PRMT8: variants seen among roughly 807,000 people sequenced by gnomAD.
PRMT8 encodes protein arginine methyltransferase 8.
A neutral mutation model predicts 47.1 loss-of-function variants in PRMT8; 7 were observed. The ratio of observed to expected loss-of-function variants is 0.15; its 90% CI spans 0.08 to 0.28. The LOEUF (loss-of-function observed/expected upper bound fraction) is 0.28, where lower values mean the gene tolerates loss of function less well. Ranked by LOEUF, PRMT8 falls within the 10% of genes least tolerant of loss-of-function variation. The probability of loss-of-function intolerance (pLI) is 1.00; values close to 1 mark genes in which losing one functional copy is unlikely to be tolerated. For synonymous variants in PRMT8, 188 were observed against 186.5 expected, an observed-to-expected ratio of 1.01 and a Z score of -0.07; for missense variants, 237 against 505.4, an observed-to-expected ratio of 0.47 and a Z score of 5.09.
chr12:3,445,709 A>G (rs1286107118), intron 1 of PRMT8, among the ~76,000 whole-genome samples: 1 of 152,216 alleles, frequency 6.6e-6, no homozygotes, highest in African/African-American at 2.4e-5. Flanking sequence ...TGTTCTGACT[A>G]AATATTTCCG....
chr12:3,393,054 G>A (rs1190951119), intron 1 of PRMT8, among the ~76,000 whole-genome samples: 2 of 152,008 alleles, frequency 1.3e-5, no homozygotes, highest in Non-Finnish European at 2.9e-5. Flanking sequence ...CTTTTTGATG[G>A]GGTTGTTTGT....
intron 1 of PRMT8, among the ~76,000 whole-genome samples, chr12:3,525,261 G>A (rs1565431028): frequency 6.6e-6 from 1 of 152,062 alleles, no homozygotes; most frequent in Non-Finnish European, 1.5e-5. Context: ...GGAAACAGCT[G>A]GTGCATAGTC....
intron 7 of PRMT8, 150 bp from the exon 8 acceptor site, chr12:3,582,908 C>T (rs1168773255): frequency 2.3e-5 from 20 of 860,212 alleles, no homozygotes; most frequent in South Asian, 5.7e-5. Context: ...ATTGGGAGGG[C>T]GGTGGGGAGC....
chr12:3,553,896 C>A (rs1866474720), intron 4 of PRMT8, among the ~76,000 whole-genome samples, 182 bp downstream of exon 4: 1 of 152,206 alleles, frequency 6.6e-6, no homozygotes, highest in Non-Finnish European at 1.5e-5. Context: ...CGACACCAGG[C>A]CAGCTGAGGA....
Position 3,553,635 on chromosome 12 carries a change from C to T in PRMT8, c.418-16C>T. The T allele has an allele frequency of 1.3e-6, 2 of 1,592,546 alleles. No homozygotes were observed. Among genetic ancestry groups the T allele is most frequent in the South Asian group, 1.1e-5 (1 of 90,604 alleles). On this transcript the variant is annotated splice_polypyrimidine_tract_variant and intron_variant, in intron 3 of 9. Transcript: ENST00000382622. ...TTTTTTTGACGCCTTGCTCCTTTGT[C>T]CTATGCCCTTTCCAGATCGAATGCT...
chr12:3,470,239 C>T (rs1865145447), intron 1 of PRMT8, among the ~76,000 whole-genome samples: 1 of 152,154 alleles, frequency 6.6e-6, no homozygotes, highest in Non-Finnish European at 1.5e-5. Context: ...CTCAGGATCC[C>T]CTGAGAGGGG....
In PRMT8 at chr12:3,557,811, G is replaced by C. The variant is rs1591601337; in HGVS notation, c.481+4097G>C. Among the ~76,000 whole-genome samples, 2 of 152,082 alleles carry C rather than the reference G, an allele frequency of 1.3e-5. No homozygotes were observed. The highest frequency in any genetic ancestry group is 3.9e-4 in the East Asian group (2 of 5,172). On this transcript the variant is annotated intron_variant, in intron 4 of 9. Coordinates refer to ENST00000382622, the MANE Select transcript of PRMT8 (RefSeq NM_019854.5). The surrounding 1 kb of genome is among the most constrained non-coding windows in gnomAD (Gnocchi z 4.7). Reference sequence around the variant, plus strand: ...GGAGTGCTGCTGAGCCTGAAAGCCTGTTGGGAGGGGAGGCAGTGTGTGGGC... The same window carrying C: ...GGAGTGCTGCTGAGCCTGAAAGCCTCTTGGGAGGGGAGGCAGTGTGTGGGC...
At chr12:3,473,728 C>T (rs1254649069) in intron 1 of PRMT8, among the ~76,000 whole-genome samples, 1 of 152,150 alleles carries the variant, frequency 6.6e-6, no homozygotes, top group Non-Finnish European at 1.5e-5. Flanking sequence ...TATTCTGCTC[C>T]TTTATTGCCT....
chr12:3,528,855 A>G (rs1865983701), intron 1 of PRMT8, among the ~76,000 whole-genome samples: 1 of 152,160 alleles, frequency 6.6e-6, no homozygotes, highest in South Asian at 2.1e-4. Context: ...TGGGATTTGA[A>G]CTATCTTTGG....
At chr12:3,440,782 C>G (rs1483312389) in intron 1 of PRMT8, among the ~76,000 whole-genome samples, 2 of 152,006 alleles carry the variant, frequency 1.3e-5, no homozygotes, top group African/African-American at 4.8e-5. Context: ...GTAATTATAC[C>G]AGGACAAGAA....
chr12:3,437,244 C>T (rs571027455), intron 1 of PRMT8, among the ~76,000 whole-genome samples: 4 of 152,000 alleles, frequency 2.6e-5, no homozygotes, highest in African/African-American at 9.7e-5. Context: ...TTTTCCCCCT[C>T]AACCATATGA....
intron 1 of PRMT8, among the ~76,000 whole-genome samples, chr12:3,387,472 A>C (rs1267845021): frequency 6.6e-6 from 1 of 152,172 alleles, no homozygotes; most frequent in Non-Finnish European, 1.5e-5. Context: ...TGCTTTGTAG[A>C]TGGGAAAACT....
intron 1 of PRMT8, among the ~76,000 whole-genome samples, chr12:3,428,590 A>G (rs1270923952): frequency 1.3e-5 from 2 of 152,152 alleles, no homozygotes; most frequent in Admixed American, 6.5e-5. Context: ...AAGACCTTCA[A>G]TGATCAATTA....
chr12:3,572,878 CT>C lies in PRMT8; in HGVS notation c.712+3315del, dbSNP rs1159683422. 6.6e-6 allele frequency among the ~76,000 whole-genome samples: 1 copy of C among 152,166 alleles called. No homozygotes were observed. The highest frequency in any genetic ancestry group is 1.5e-5 in the Non-Finnish European group (1 of 68,038). ...TGCAATCAGAAATCACATTTCTCCC[CT>C]GGTACTTAATTTTCTTTCCTCAGAC... is the stretch of plus-strand genomic sequence containing the variant. On this transcript the variant is annotated intron_variant, in intron 6 of 9. Transcript: ENST00000382622. The surrounding 1 kb of genome is among the most constrained non-coding windows in gnomAD (Gnocchi z 5.9).
At chr12:3,425,965 T>C (rs1864599680) in intron 1 of PRMT8, among the ~76,000 whole-genome samples, 1 of 152,248 alleles carries the variant, frequency 6.6e-6, no homozygotes, top group African/African-American at 2.4e-5. Flanking sequence ...TTAAGTTTCC[T>C]CCCTGTTGTG....
intron 1 of PRMT8, among the ~76,000 whole-genome samples, chr12:3,449,004 T>G (rs959682883): frequency 6.6e-6 from 1 of 152,210 alleles, no homozygotes; most frequent in Admixed American, 6.5e-5. Flanking sequence ...TTTCTGTTCC[T>G]GCATTAGTTT....
chr12:3,577,390 T>C (rs1394838973), intron 7 of PRMT8, among the ~76,000 whole-genome samples: 1 of 152,222 alleles, frequency 6.6e-6, no homozygotes, highest in Non-Finnish European at 1.5e-5. Flanking sequence ...ATCATCATCA[T>C]GCTCTTGCCT....
chr12:3,513,242 C>T (rs541979707), intron 1 of PRMT8, among the ~76,000 whole-genome samples: 9 of 152,264 alleles, frequency 5.9e-5, no homozygotes, highest in African/African-American at 1.4e-4. Context: ...ATCACCCAGT[C>T]GTCTCAGAAA....
intron 1 of PRMT8, among the ~76,000 whole-genome samples, chr12:3,413,696 G>T (rs943253640): frequency 6.6e-6 from 1 of 152,070 alleles, no homozygotes; most frequent in Non-Finnish European, 1.5e-5. Flanking sequence ...AGTCTTGTGG[G>T]ACTACCATTC....
Sources: gnomAD v4.1 joint callset for allele counts (sites outside exome capture counted in the v4.1 genomes callset) on GRCh38, gnomAD v4.1.1 for gene constraint, Gnocchi (gnomAD v3.1) non-coding constraint, MANE v1.5 for transcripts, NCBI Gene and HGNC (gene_info 2026-07-23, HGNC 2026-07-21) for gene names.